ADTRP: variants seen among roughly 807,000 people sequenced by gnomAD.
The protein encoded by ADTRP is androgen-dependent TFPI-regulating protein.
In ADTRP, 20 loss-of-function variants were observed where a neutral mutation model predicts 27.0. The observed-to-expected ratio is 0.74, with a 90% CI of 0.52 to 1.08. The LOEUF (loss-of-function observed/expected upper bound fraction) is 1.08. Among genes scored for constraint, ADTRP ranks in the 50% least tolerant of loss-of-function variants. The probability of loss-of-function intolerance (pLI) is 0.00; values close to 1 mark genes in which losing one functional copy is unlikely to be tolerated. For missense variants in ADTRP, 251 were observed against 275.0 expected (o/e 0.91, Z 0.62); for synonymous variants, 101 against 105.2 (o/e 0.96, Z 0.25).
rs568329371 is a variant in ADTRP at position 11,725,781 on chromosome 6, C to T, written c.507-2281G>A. On this transcript the variant is annotated intron_variant, in intron 4 of 5. Coordinates refer to ENST00000414691, the MANE Select transcript of ADTRP (RefSeq NM_032744.4). The stretch of plus-strand genomic sequence containing the variant: ...AGGCGTGGTGGCAGGTGCCTGTAGT[C>T]CCAGCTACTTGGGAGGCTGAGGGCA... 5.9e-5 allele frequency among the ~76,000 whole-genome samples: 9 copies of T among 151,790 alleles called. No homozygotes were observed. The South Asian group carries it at 1.9e-3, about 32-fold the overall frequency.
intron 4 of ADTRP, among the ~76,000 whole-genome samples, chr6:11,729,207 G>T (rs210896): frequency 0.67 from 102,232 of 152,012 alleles, 36,487 homozygotes; most frequent in East Asian, 0.83. Flanking sequence ...TTAACCCTCA[G>T]GTCACGTCTT....
In ADTRP at chr6:11,717,451, C is replaced by T. The variant is rs753727577; in HGVS notation, c.659-2939G>A. 5.4e-6 allele frequency: 7 copies of T among 1,302,310 alleles called. No individual in the cohort carries two copies. In the South Asian group the frequency reaches 8.7e-5, roughly 16 times the overall value. 80.7% of individuals were successfully genotyped at this position (1,302,310 alleles called of 1,614,324 possible). ...GCCAAGAAATTATTGTTTCAATCAA[C>T]ATCACCATAGATACCATATATAATT... On this transcript the variant is annotated intron_variant, in intron 5 of 5. Coordinates refer to ENST00000414691, the MANE Select transcript of ADTRP (RefSeq NM_032744.4).
intron 3 of ADTRP, among the ~76,000 whole-genome samples, chr6:11,759,702 G>A (rs922269953): frequency 5.3e-5 from 8 of 152,170 alleles, no homozygotes; most frequent in Admixed American, 2.6e-4. Flanking sequence ...CCTGGAACCC[G>A]TGAATATGTT....
Position 11,778,623 on chromosome 6 carries a change from A to G in ADTRP, c.137T>C (p.Met46Thr), listed in dbSNP as rs1329878469. The G allele has an allele frequency of 1.9e-6, 3 of 1,614,250 alleles. No homozygotes were observed. Among genetic ancestry groups the G allele is most frequent in the Non-Finnish European group, 2.5e-6 (3 of 1,180,044 alleles). Residue 46 changes from methionine to threonine, a missense_variant, in exon 1 of 6, where the codon ATG (methionine) becomes ACG (threonine). By Grantham distance (81) the Met-to-Thr change is moderately conservative (BLOSUM62 -1). Transcript: ENST00000414691. ...TGGACTTACCAGATTAAGCAGCGTC[A>G]TATATTTCCACCTTGCACCATTTGC... ...ILANGARWKY[M>T]TLLNLLLQTI...
chr6:11,745,819 C>T (rs1040887764), intron 3 of ADTRP, among the ~76,000 whole-genome samples: 2 of 151,652 alleles, frequency 1.3e-5, no homozygotes, highest in Admixed American at 1.3e-4. Context: ...GAGACAGAGT[C>T]TTGCTCTGTC....
At chr6:11,735,709 G>T in intron 3 of ADTRP, 26 bp from the exon 4 acceptor site, 1 of 1,524,544 alleles carries the variant, frequency 6.6e-7, no homozygotes, top group South Asian at 1.1e-5. Flanking sequence ...TGGCAAATCA[G>T]AATGGCAGGG....
At chr6:11,744,095 G>T (rs1287775012) in intron 3 of ADTRP, among the ~76,000 whole-genome samples, 1 of 152,150 alleles carries the variant, frequency 6.6e-6, no homozygotes, top group African/African-American at 2.4e-5. Context: ...TTTGAGTAAT[G>T]AGTGAGTTCT....
Position 11,723,522 on chromosome 6 carries a change from G to A in ADTRP, c.507-22C>T, listed in dbSNP as rs770468592. ...GATGCTGCAGGAAATAAGAAGTCGT[G>A]GTGGTTATAGCAGGAGGAGAAAAAC... On this transcript the variant is annotated intron_variant, in intron 4 of 5. Transcript: ENST00000414691. 7 of 1,612,702 alleles carry A rather than the reference G, an allele frequency of 4.3e-6. No homozygotes were observed. The Admixed American group carries it at 5.0e-5, about 12-fold the overall frequency.
chr6:11,765,319 G>GTTTTTTTTTTTTTTTTTTTTTTTT lies in ADTRP; in HGVS notation c.390+954_390+955insAAAAAAAAAAAAAAAAAAAAAAAA, dbSNP rs770169717. On this transcript the variant is annotated intron_variant, in intron 3 of 5. Coordinates refer to ENST00000414691, the MANE Select transcript of ADTRP (RefSeq NM_032744.4). ...GCCACTTCCTTGTGCCTTTCCCCTGGTTTGTTTTTTTTTTTTTTTTTTTTT... is the reference window on the plus strand; with the variant it reads ...GCCACTTCCTTGTGCCTTTCCCCTGGTTTTTTTTTTTTTTTTTTTTTTTTTTTGTTTTTTTTTTTTTTTTTTTTT... Among the ~76,000 whole-genome samples, 2 of 112,526 alleles carry GTTTTTTTTTTTTTTTTTTTTTTTT rather than the reference G, an allele frequency of 1.8e-5. 1 individual carries two copies. Among genetic ancestry groups the GTTTTTTTTTTTTTTTTTTTTTTTT allele is most frequent in the Non-Finnish European group, 3.5e-5 (2 of 56,548 alleles). The allele number at this position is 112,526 out of a possible 152,430, so 73.8% of individuals were successfully genotyped here.
intron 3 of ADTRP, among the ~76,000 whole-genome samples, chr6:11,748,099 T>C (rs1237178739): frequency 6.6e-6 from 1 of 152,196 alleles, no homozygotes; most frequent in East Asian, 1.9e-4. Context: ...ATATATGTAA[T>C]TATGACTCTA....
chr6:11,752,858 C>T (rs775639890), intron 3 of ADTRP, among the ~76,000 whole-genome samples: 7 of 152,000 alleles, frequency 4.6e-5, no homozygotes, highest in Admixed American at 1.3e-4. Flanking sequence ...TCCCCTGCAA[C>T]GCAGAGGAGA....
At chr6:11,762,546 T>C (rs966829842) in intron 3 of ADTRP, among the ~76,000 whole-genome samples, 1 of 152,248 alleles carries the variant, frequency 6.6e-6, no homozygotes, top group Non-Finnish European at 1.5e-5. Flanking sequence ...GGGAAGGTCC[T>C]GTCTCTCAAT....
At chr6:11,773,144 C>T (rs1224381927) in intron 1 of ADTRP, among the ~76,000 whole-genome samples, 1 of 151,964 alleles carries the variant, frequency 6.6e-6, no homozygotes, top group African/African-American at 2.4e-5. Context: ...GGTGAGGTAT[C>T]AGAACATAAT....
At chr6:11,729,570 A>T (rs1245593560) in intron 4 of ADTRP, among the ~76,000 whole-genome samples, 2 of 151,974 alleles carry the variant, frequency 1.3e-5, no homozygotes, top group East Asian at 3.9e-4. Flanking sequence ...TCTTTCCAGC[A>T]ATCTTGTCAC....
chr6:11,766,857 G>A (rs1331088241), intron 2 of ADTRP, among the ~76,000 whole-genome samples: 1 of 152,202 alleles, frequency 6.6e-6, no homozygotes, highest in Non-Finnish European at 1.5e-5. Context: ...GCACAAGCTA[G>A]CTGACTGAGG....
At chr6:11,776,013 CTAAT>C (rs1763945649) in intron 1 of ADTRP, among the ~76,000 whole-genome samples, 1 of 149,668 alleles carries the variant, frequency 6.7e-6, no homozygotes, top group African/African-American at 2.5e-5. Flanking sequence ...TGAATGAACA[CTAAT>C]TAATCATTAG....
intron 3 of ADTRP, among the ~76,000 whole-genome samples, chr6:11,756,106 G>C (rs771170013): frequency 6.6e-6 from 1 of 152,178 alleles, no homozygotes; most frequent in Non-Finnish European, 1.5e-5. Context: ...GTTGGACCTA[G>C]TGGCTCACAT....
Position 11,770,452 on chromosome 6 carries a change from G to C in ADTRP, c.154-2069C>G, listed in dbSNP as rs1231406613. ...ACAAGATTGCAGGAAAGGGAGAGAG[G>C]AGAGGGGAGAACAGAAAAGCAGGCA... On this transcript the variant is annotated intron_variant, in intron 1 of 5. Coordinates refer to ENST00000414691, the MANE Select transcript of ADTRP (RefSeq NM_032744.4). Among the ~76,000 whole-genome samples, 5 of 152,256 alleles carry C rather than the reference G, an allele frequency of 3.3e-5. No homozygotes were observed. The South Asian group carries it at 6.2e-4, about 19-fold the overall frequency.
intron 3 of ADTRP, among the ~76,000 whole-genome samples, chr6:11,753,434 A>G (rs1763116339): frequency 6.6e-6 from 1 of 152,208 alleles, no homozygotes; most frequent in African/African-American, 2.4e-5. Flanking sequence ...TCTAAGGGTC[A>G]TTCTCATTGG....
Sources: gnomAD v4.1 joint callset for allele counts (sites outside exome capture counted in the v4.1 genomes callset) on GRCh38, gnomAD v4.1.1 for gene constraint, MANE v1.5 for transcripts, NCBI Gene and HGNC (gene_info 2026-07-23, HGNC 2026-07-21) for gene names.